Variants in SNX29 observed in about 807,000 individuals in gnomAD.
The protein encoded by SNX29 is sorting nexin 29.
SNX29 carries 78 observed loss-of-function variants against 102.1 expected under a neutral mutation model. The observed-to-expected ratio is 0.76, with a 90% CI of 0.64 to 0.92. The LOEUF is 0.92. SNX29 is among the 40% of genes least tolerant of loss of function. The probability of loss-of-function intolerance (pLI) is 0.00; values close to 1 mark genes in which losing one functional copy is unlikely to be tolerated. For synonymous variants in SNX29, 580 were observed against 414.5 expected (o/e 1.40, Z -4.85); for missense variants, 1,280 against 1,061.7 (o/e 1.21, Z -2.86).
At chr16:12,455,446 G>T (rs1197370296) in intron 18 of SNX29, among the ~76,000 whole-genome samples, 1 of 152,068 alleles carries the variant, frequency 6.6e-6, no homozygotes, top group Admixed American at 6.5e-5. Flanking sequence ...TCTAGGTGGC[G>T]GTGGCCACCT....
intron 18 of SNX29, among the ~76,000 whole-genome samples, chr16:12,433,169 G>A (rs972466402): frequency 6.6e-6 from 1 of 152,214 alleles, no homozygotes; most frequent in Middle Eastern, 3.2e-3. Flanking sequence ...CATTACATTT[G>A]TCTACATCTT....
intron 20 of SNX29, among the ~76,000 whole-genome samples, chr16:12,549,489 A>C (rs1383205658): frequency 1.3e-5 from 1 of 75,040 alleles, no homozygotes; most frequent in Non-Finnish European, 2.3e-5. Context: ...GAAGATCCTC[A>C]CACATACAAA....
intron 16 of SNX29, among the ~76,000 whole-genome samples, chr16:12,363,346 A>T (rs28462125): frequency 0.044 from 6,717 of 152,226 alleles, 286 homozygotes; most frequent in African/African-American, 0.11. Context: ...TGGGAATCTC[A>T]GCCACTTCCC....
intron 11 of SNX29, among the ~76,000 whole-genome samples, chr16:12,113,625 G>A (rs982201657): frequency 1.3e-5 from 2 of 152,194 alleles, no homozygotes; most frequent in Non-Finnish European, 2.9e-5. Flanking sequence ...CATTATTTAT[G>A]AGTATTTCGC....
intron 19 of SNX29, among the ~76,000 whole-genome samples, chr16:12,519,944 A>C (rs1334019747): frequency 6.6e-6 from 1 of 152,134 alleles, no homozygotes; most frequent in Admixed American, 6.5e-5. Flanking sequence ...GGATTGCACC[A>C]CTGCACTCCA....
chr16:12,383,312 G>C (rs1321122546), intron 16 of SNX29, among the ~76,000 whole-genome samples: 5 of 152,082 alleles, frequency 3.3e-5, no homozygotes, highest in Non-Finnish European at 7.3e-5. Flanking sequence ...GGTATTCTGA[G>C]ATAAGACATA....
chr16:12,321,862 G>C (rs2080943167), intron 15 of SNX29, among the ~76,000 whole-genome samples: 1 of 152,208 alleles, frequency 6.6e-6, no homozygotes, highest in Admixed American at 6.5e-5. Context: ...GGAAGACAGA[G>C]AGCCGGGGAT....
chr16:12,544,652 T>C (rs1259527130), intron 20 of SNX29, among the ~76,000 whole-genome samples: 1 of 152,226 alleles, frequency 6.6e-6, no homozygotes, highest in Non-Finnish European at 1.5e-5. Flanking sequence ...GTCAGACTGT[T>C]TACTTCTCAT....
intron 18 of SNX29, among the ~76,000 whole-genome samples, chr16:12,430,811 A>C (rs564518278): frequency 6.6e-6 from 1 of 151,336 alleles, no homozygotes; most frequent in African/African-American, 2.4e-5. Context: ...AAGTGGTGAC[A>C]GTCATAAAAG....
At chr16:12,075,662 C>G (rs1567183191) in intron 10 of SNX29, among the ~76,000 whole-genome samples, 1 of 152,224 alleles carries the variant, frequency 6.6e-6, no homozygotes, top group Non-Finnish European at 1.5e-5. Flanking sequence ...AGATTTCCAG[C>G]TGCGTGCTGG....
At chr16:12,027,029 C>T (rs144174480) in intron 3 of SNX29, among the ~76,000 whole-genome samples, 168 of 152,336 alleles carry the variant, frequency 1.1e-3, no homozygotes, top group African/African-American at 4.0e-3. Flanking sequence ...GCACCCCCGC[C>T]AGCTGGCACC....
intron 19 of SNX29, among the ~76,000 whole-genome samples, chr16:12,508,175 G>A (rs896805467): frequency 6.6e-6 from 1 of 152,242 alleles, no homozygotes; most frequent in Non-Finnish European, 1.5e-5. Flanking sequence ...GGTGGGCTGT[G>A]GCGGGTGGCT....
intron 20 of SNX29, among the ~76,000 whole-genome samples, chr16:12,564,075 G>T (rs1006384663): frequency 6.6e-6 from 1 of 152,074 alleles, no homozygotes; most frequent in Non-Finnish European, 1.5e-5. Context: ...CTGTATTTTG[G>T]GAGTTTGTAA....
chr16:12,401,799 T>C (rs2083955887), intron 17 of SNX29, among the ~76,000 whole-genome samples: 1 of 152,194 alleles, frequency 6.6e-6, no homozygotes, highest in Non-Finnish European at 1.5e-5. Flanking sequence ...AAAACTTGTT[T>C]AATGAGTGAG....
intron 14 of SNX29, among the ~76,000 whole-genome samples, chr16:12,246,133 T>G (rs1192948581): frequency 6.6e-6 from 1 of 152,206 alleles, no homozygotes; most frequent in African/African-American, 2.4e-5. Context: ...GGTGTCAACC[T>G]ATGTCAACTT....
intron 18 of SNX29, among the ~76,000 whole-genome samples, chr16:12,408,812 C>T (rs893978855): frequency 2.6e-5 from 4 of 152,144 alleles, no homozygotes; most frequent in African/African-American, 7.2e-5. Flanking sequence ...AGGAACAAAA[C>T]TTCTAAAGGA....
chr16:12,452,897 T>C (rs769684246), intron 18 of SNX29, among the ~76,000 whole-genome samples: 1 of 152,154 alleles, frequency 6.6e-6, no homozygotes, highest in Non-Finnish European at 1.5e-5. Context: ...GCAGCTGTCA[T>C]TTCTTTTGTT....
At chr16:12,111,598 A>G (rs890580502) in intron 11 of SNX29, among the ~76,000 whole-genome samples, 2 of 152,138 alleles carry the variant, frequency 1.3e-5, no homozygotes, top group African/African-American at 4.8e-5. Context: ...CCAGCCTCCA[A>G]GATGGCAGGC....
At chr16:12,079,326 C>T (rs945521782) in intron 11 of SNX29, among the ~76,000 whole-genome samples, 3 of 152,132 alleles carry the variant, frequency 2.0e-5, no homozygotes, top group African/African-American at 7.2e-5. Context: ...CAACTGTTTC[C>T]AACTTTACTA....
Sources: gnomAD v4.1 joint callset for allele counts (sites outside exome capture counted in the v4.1 genomes callset) on GRCh38, gnomAD v4.1.1 for gene constraint, MANE v1.5 for transcripts, NCBI Gene and HGNC (gene_info 2026-07-23, HGNC 2026-07-21) for gene names.